Variants in PRR18 observed in about 807,000 individuals in gnomAD.
The protein encoded by PRR18 is proline-rich protein 18.
For missense variants in PRR18, 517 were observed against 437.4 expected, an observed-to-expected ratio of 1.18 and a Z score of -1.62; for synonymous variants, 228 against 220.2, an observed-to-expected ratio of 1.04 and a Z score of -0.32.
In PRR18 at chr6:166,307,690, A is replaced by T. The variant is rs769119126; in HGVS notation, c.453T>A (p.His151Gln). 13 of 1,511,224 alleles carry T rather than the reference A, an allele frequency of 8.6e-6. No individual in the cohort carries two copies. The highest frequency in any genetic ancestry group is 1.3e-5 in the South Asian group (1 of 79,902). 93.6% of individuals were successfully genotyped at this position (1,511,224 alleles called of 1,614,324 possible). The change falls in exon 1 of 1, where the codon CAT becomes CAA. Residue 151 changes from histidine (H) to glutamine (Q), a missense_variant. His to Gln is a conservative substitution (Grantham distance 24). Transcript: ENST00000322583. Reference sequence around the variant, plus strand: ...GCCGCGCCAGCAGCTGCTTCTCCAGATGACGCTTCTGGATGACCAGGACGG... The same window carrying T: ...GCCGCGCCAGCAGCTGCTTCTCCAGTTGACGCTTCTGGATGACCAGGACGG... Reference protein sequence around the residue: ...PEAVLVIQKRHLEKQLLARPR... With the variant: ...PEAVLVIQKRQLEKQLLARPR...
Position 166,307,783 on chromosome 6 carries a change from G to A in PRR18, c.360C>T (p.Gly120=), listed in dbSNP as rs1269107433. The A allele has an allele frequency of 2.0e-6, 3 of 1,469,822 alleles. No homozygotes were observed. The highest frequency in any genetic ancestry group is 2.7e-6 in the Non-Finnish European group (3 of 1,102,778). 91.0% of individuals were successfully genotyped at this position (1,469,822 alleles called of 1,614,324 possible). Residue 120 remains glycine, a synonymous_variant, in exon 1 of 1, where the codon GGC becomes GGT. Transcript: ENST00000322583. The stretch of plus-strand genomic sequence containing the variant: ...GACAAGGCCCCGCCCCCGAGGAGGT[G>A]CCCGCGGCGGTGGTCCCCGTCCCCG... ...TSAGTGTTAA[G]TSSGAGPCPD...
rs1247388090 is a variant in PRR18 at position 166,308,066 on chromosome 6, G to T, written c.77C>A (p.Pro26His). 2.4e-6 allele frequency: 3 copies of T among 1,237,764 alleles called. No homozygotes were observed. Among genetic ancestry groups the T allele is most frequent in the Non-Finnish European group, 3.0e-6 (3 of 985,992 alleles). The allele number at this position is 1,237,764 out of a possible 1,614,324, so 76.7% of individuals were successfully genotyped here. A position where few individuals can be genotyped will look rare whatever the true frequency, so the allele number is the denominator to read the frequency against. The change falls in exon 1 of 1, where the codon CCC (proline) becomes CAC (histidine). Residue 26 changes from proline (P) to histidine (H), a missense_variant. Pro to His is a moderately conservative substitution (Grantham distance 77). Transcript: ENST00000322583. ...CTTCTTCTTGTCCCCCGCGGCGCAG[G>T]GCCTCCGGGGTAACTGGCGCGCGGC... Reference protein sequence around the residue: ...AQAARQLPRRPCAAGDKKKRP... With the variant: ...AQAARQLPRRHCAAGDKKKRP...
At position 166,307,122 on chromosome 6, in the gene PRR18, G is replaced by T. The variant is rs900907049; in HGVS notation, c.*133C>A. The stretch of plus-strand genomic sequence containing the variant: ...CTGCGCCCCACGTGGGCCAGCTTGC[G>T]CACTGGTGTCCCGAAAGTGGGCGCT... On this transcript the variant is annotated 3_prime_UTR_variant, in exon 1 of 1. Transcript: ENST00000322583. The T allele has an allele frequency of 5.1e-6, 5 of 975,118 alleles. No individual in the cohort carries two copies. The highest frequency in any genetic ancestry group is 1.4e-6 in the Non-Finnish European group (1 of 726,044). The allele number at this position is 975,118 out of a possible 1,614,324, so 60.4% of individuals were successfully genotyped here. A position where few individuals can be genotyped will look rare whatever the true frequency, so the allele number is the denominator to read the frequency against.
At position 166,307,584 on chromosome 6, in the gene PRR18, G is replaced by A. The variant is rs1183160665; in HGVS notation, c.559C>T (p.Arg187Trp). The change falls in exon 1 of 1, where the codon CGG becomes TGG. Residue 187 changes from arginine to tryptophan, a missense_variant. By Grantham distance (101) the Arg-to-Trp change is moderately radical. Coordinates refer to ENST00000322583, the MANE Select transcript of PRR18 (RefSeq NM_175922.4). ...GGGTCGCTGGCGGGGCCGCCCCTCC[G>A]CGGGCCCGCGGCCCTAGCCGGGAGA... ...PCLPARAAGP[R>W]RGGPASDPDA... 5.2e-5 allele frequency: 64 copies of A among 1,223,260 alleles called. No individual in the cohort carries two copies. The highest frequency in any genetic ancestry group is 6.4e-5 in the Non-Finnish European group (63 of 981,418). 75.8% of individuals were successfully genotyped at this position (1,223,260 alleles called of 1,614,324 possible).
At position 166,308,192 on chromosome 6, in the gene PRR18, C is replaced by T; in HGVS notation, c.-50G>A. ...CAGCCCCTGGAAAGAGAGGCGGGCG[C>T]TCAGCCACTGTGCGCGGAGCGGGTC... On this transcript the variant is annotated 5_prime_UTR_variant, in exon 1 of 1. Coordinates refer to ENST00000322583, the MANE Select transcript of PRR18 (RefSeq NM_175922.4). The T allele has an allele frequency of 1.6e-6, 2 of 1,227,224 alleles. No individual in the cohort carries two copies. Among genetic ancestry groups the T allele is most frequent in the Non-Finnish European group, 2.0e-6 (2 of 983,548 alleles). 76.0% of individuals were successfully genotyped at this position (1,227,224 alleles called of 1,614,324 possible). A position where few individuals can be genotyped will look rare whatever the true frequency, so the allele number is the denominator to read the frequency against.
chr6:166,307,888 C>A lies in PRR18; in HGVS notation c.255G>T (p.Arg85=). 8.1e-7 allele frequency: 1 copy of A among 1,236,404 alleles called. No homozygotes were observed. Among genetic ancestry groups the A allele is most frequent in the Non-Finnish European group, 1.0e-6 (1 of 990,564 alleles). The allele number at this position is 1,236,404 out of a possible 1,614,324, so 76.6% of individuals were successfully genotyped here. Residue 85 remains arginine (R), a synonymous_variant, in exon 1 of 1, where the codon CGG becomes CGT. Coordinates refer to ENST00000322583, the MANE Select transcript of PRR18 (RefSeq NM_175922.4). Reference sequence around the variant, plus strand: ...GGGGCGGGGCGCACGTGGCTGGGGCCCGCGCGCGGCTGGGCAAGGCCTGGG... The same window carrying A: ...GGGGCGGGGCGCACGTGGCTGGGGCACGCGCGCGGCTGGGCAAGGCCTGGG... ...VSPQALPSRA[R]APATCAPPRP...
chr6:166,307,723 G>A lies in PRR18; in HGVS notation c.420C>T (p.Thr140=). The A allele has an allele frequency of 1.3e-6, 2 of 1,521,952 alleles. No individual in the cohort carries two copies. Among genetic ancestry groups the A allele is most frequent in the Non-Finnish European group, 1.8e-6 (2 of 1,131,954 alleles). 94.3% of individuals were successfully genotyped at this position (1,521,952 alleles called of 1,614,324 possible). ...DSAARFCLNL[T]PEAVLVIQKR... is the part of the protein sequence containing the mutation. ...TCTGGATGACCAGGACGGCCTCGGG[G>A]GTGAGATTCAGGCAGAAGCGCGCAG... is the stretch of plus-strand genomic sequence containing the variant. Residue 140 remains threonine (T), a synonymous_variant, in exon 1 of 1, where the codon ACC becomes ACT. Transcript: ENST00000322583.
In PRR18 at chr6:166,307,559, G is replaced by A. The variant is rs1300297493; in HGVS notation, c.584C>T (p.Pro195Leu). Residue 195 changes from proline to leucine, a missense_variant, in exon 1 of 1, where the codon CCC (proline) becomes CTC (leucine). By Grantham distance (98) the Pro-to-Leu change is moderately conservative. Coordinates refer to ENST00000322583, the MANE Select transcript of PRR18 (RefSeq NM_175922.4). ...CTGGCCGGCGGTGGGGGGTGCGTCG[G>A]GGTCGCTGGCGGGGCCGCCCCTCCG... ...GPRRGGPASDPDAPPTAGQGR... is the reference protein window; with the variant it reads ...GPRRGGPASDLDAPPTAGQGR... 3.3e-6 allele frequency: 4 copies of A among 1,211,722 alleles called. No homozygotes were observed. The African/African-American group carries it at 4.8e-5, about 14-fold the overall frequency. 75.1% of individuals were successfully genotyped at this position (1,211,722 alleles called of 1,614,324 possible).
In PRR18 at chr6:166,306,963, G is replaced by A. The variant is rs953945894; in HGVS notation, c.*292C>T. The A allele has an allele frequency of 1.6e-5, 6 of 369,558 alleles. No homozygotes were observed. Among genetic ancestry groups the A allele is most frequent in the African/African-American group, 1.3e-4 (6 of 47,404 alleles). 22.9% of individuals were successfully genotyped at this position (369,558 alleles called of 1,614,324 possible). On this transcript the variant is annotated 3_prime_UTR_variant, in exon 1 of 1. Coordinates refer to ENST00000322583, the MANE Select transcript of PRR18 (RefSeq NM_175922.4). Reference sequence around the variant, plus strand: ...TTCCCCACGAACTGCATGGATGCTCGGCGATGCCAAGAGGAGGCCAGAGTG... The same window carrying A: ...TTCCCCACGAACTGCATGGATGCTCAGCGATGCCAAGAGGAGGCCAGAGTG...
rs1332254248 is a variant in PRR18 at position 166,305,376 on chromosome 6, A to C, written c.*1879T>G. 6.6e-6 allele frequency: 1 copy of C among 152,250 alleles called. No individual in the cohort carries two copies. Among genetic ancestry groups the C allele is most frequent in the Non-Finnish European group, 1.5e-5 (1 of 68,048 alleles). The allele number at this position is 152,250 out of a possible 1,614,324, so 9.4% of individuals were successfully genotyped here. A position where few individuals can be genotyped will look rare whatever the true frequency, so the allele number is the denominator to read the frequency against. On this transcript the variant is annotated 3_prime_UTR_variant, in exon 1 of 1. Transcript: ENST00000322583. Reference sequence around the variant, plus strand: ...TAGAAAACTTTCTCAAAATGTCCTTAACAGCAATGAAAAGATATCATGTGT... The same window carrying C: ...TAGAAAACTTTCTCAAAATGTCCTTCACAGCAATGAAAAGATATCATGTGT...
At position 166,308,156 on chromosome 6, in the gene PRR18, C is replaced by T; in HGVS notation, c.-14G>A. On this transcript the variant is annotated 5_prime_UTR_variant, in exon 1 of 1. Transcript: ENST00000322583. ...CGGGAAGGGCATAGTGCAGCCGAGCCGCCGGATCCTCAGCCCCTGGAAAGA... is the reference window on the plus strand; with the variant it reads ...CGGGAAGGGCATAGTGCAGCCGAGCTGCCGGATCCTCAGCCCCTGGAAAGA... The T allele has an allele frequency of 8.1e-7, 1 of 1,229,320 alleles. No individual in the cohort carries two copies. Among genetic ancestry groups the T allele is most frequent in the African/African-American group, 1.6e-5 (1 of 64,252 alleles). The allele number at this position is 1,229,320 out of a possible 1,614,324, so 76.2% of individuals were successfully genotyped here. A position where few individuals can be genotyped will look rare whatever the true frequency, so the allele number is the denominator to read the frequency against.
At position 166,308,318 on chromosome 6, in the gene PRR18, C is replaced by G. The variant is rs547032285; in HGVS notation, c.-176G>C. On this transcript the variant is annotated 5_prime_UTR_variant, in exon 1 of 1. Coordinates refer to ENST00000322583, the MANE Select transcript of PRR18 (RefSeq NM_175922.4). The stretch of plus-strand genomic sequence containing the variant: ...CCAAACCCGGGGACTCAAAGAGAGG[C>G]GCTCCCACCCTCCCCTCCTCCTGGG... 1.9e-6 allele frequency: 1 copy of G among 527,674 alleles called. No homozygotes were observed. Among genetic ancestry groups the G allele is most frequent in the East Asian group, 3.6e-5 (1 of 27,742 alleles). The allele number at this position is 527,674 out of a possible 1,614,324, so 32.7% of individuals were successfully genotyped here. A position where few individuals can be genotyped will look rare whatever the true frequency, so the allele number is the denominator to read the frequency against.
rs544250371 is a variant in PRR18 at position 166,308,319 on chromosome 6, G to A, written c.-177C>T. The A allele has an allele frequency of 5.7e-6, 3 of 527,534 alleles. No homozygotes were observed. Among genetic ancestry groups the A allele is most frequent in the Admixed American group, 4.5e-5 (1 of 22,352 alleles). The allele number at this position is 527,534 out of a possible 1,614,324, so 32.7% of individuals were successfully genotyped here. On this transcript the variant is annotated 5_prime_UTR_variant, in exon 1 of 1. Transcript: ENST00000322583. ...CAAACCCGGGGACTCAAAGAGAGGC[G>A]CTCCCACCCTCCCCTCCTCCTGGGG...
In PRR18 at chr6:166,308,283, A is replaced by G. The variant is rs1583027008; in HGVS notation, c.-141T>C. On this transcript the variant is annotated 5_prime_UTR_variant, in exon 1 of 1. An upstream start codon of the reference 5' UTR is lost. Transcript: ENST00000322583. ...GCCGCGGCCTCTCCGGCTTCCTCAC[A>G]TCCCAGCGACCAAACCCGGGGACTC... The G allele has an allele frequency of 4.9e-6, 4 of 819,022 alleles. No individual in the cohort carries two copies. The African/African-American group carries it at 7.1e-5, about 15-fold the overall frequency. The allele number at this position is 819,022 out of a possible 1,614,324, so 50.7% of individuals were successfully genotyped here. A position where few individuals can be genotyped will look rare whatever the true frequency, so the allele number is the denominator to read the frequency against.
chr6:166,307,393 C>G lies in PRR18; in HGVS notation c.750G>C (p.Glu250Asp). ...LNERHRYDDVEYEEEPEAVDE... is the reference protein window; with the variant it reads ...LNERHRYDDVDYEEEPEAVDE... ...CCACCGCCTCTGGCTCCTCCTCGTA[C>G]TCCACGTCGTCGTACCTGTGCCGCT... The change falls in exon 1 of 1, where the codon GAG becomes GAC. Residue 250 changes from glutamate (E) to aspartate (D), a missense_variant. Coordinates refer to ENST00000322583, the MANE Select transcript of PRR18 (RefSeq NM_175922.4). 6.3e-7 allele frequency: 1 copy of G among 1,577,820 alleles called. No homozygotes were observed. Among genetic ancestry groups the G allele is most frequent in the East Asian group, 2.4e-5 (1 of 41,692 alleles).
In PRR18 at chr6:166,307,338, A is replaced by C. The variant is rs1325977550; in HGVS notation, c.805T>G (p.Trp269Gly). Reference protein sequence around the residue: ...DEGLVRKCTEWLRGVESAAAA... With the variant: ...DEGLVRKCTEGLRGVESAAAA... Reference sequence around the variant, plus strand: ...GCCGCGGACTCCACGCCGCGCAGCCACTCCGTGCACTTGCGTACCAGGCCC... The same window carrying C: ...GCCGCGGACTCCACGCCGCGCAGCCCCTCCGTGCACTTGCGTACCAGGCCC... The change falls in exon 1 of 1, where the codon TGG becomes GGG. Residue 269 changes from tryptophan to glycine, a missense_variant. By Grantham distance (184) the Trp-to-Gly change is radical. Transcript: ENST00000322583. 1 of 1,571,372 alleles carries C rather than the reference A, an allele frequency of 6.4e-7. No individual in the cohort carries two copies. Among genetic ancestry groups the C allele is most frequent in the East Asian group, 2.4e-5 (1 of 41,776 alleles).
rs10946152 is a variant in PRR18, at chr6:166,307,069, G to C, written c.*186C>G. On this transcript the variant is annotated 3_prime_UTR_variant, in exon 1 of 1. Coordinates refer to ENST00000322583, the MANE Select transcript of PRR18 (RefSeq NM_175922.4). ...GGCTGCCGGCTGGCGAGGGCAGGAG[G>C]GGGGCCGTGGCCGTCGGGCGAGTCT... 1.8e-6 allele frequency: 1 copy of C among 549,862 alleles called. No homozygotes were observed. The allele number at this position is 549,862 out of a possible 1,614,324, so 34.1% of individuals were successfully genotyped here.
At position 166,307,287 on chromosome 6, in the gene PRR18, G is replaced by C; in HGVS notation, c.856C>G (p.Leu286Val). Residue 286 changes from leucine to valine, a missense_variant, in exon 1 of 1, where the codon CTG (leucine) becomes GTG (valine). Physicochemically the swap from Leu to Val is conservative, Grantham distance 32. Coordinates refer to ENST00000322583, the MANE Select transcript of PRR18 (RefSeq NM_175922.4). ...AAAARGRAGA[L>V]DSRRHLSTL ...GTGCTCAGGTGCCGCCGTGAGTCCA[G>C]GGCCCCCGCCCGGCCCCGCGCGGCA... 1 of 1,522,672 alleles carries C rather than the reference G, an allele frequency of 6.6e-7. No individual in the cohort carries two copies. Among genetic ancestry groups the C allele is most frequent in the East Asian group, 2.6e-5 (1 of 38,202 alleles). 94.3% of individuals were successfully genotyped at this position (1,522,672 alleles called of 1,614,324 possible).
At position 166,306,988 on chromosome 6, in the gene PRR18, G is replaced by C. The variant is rs1050448636; in HGVS notation, c.*267C>G. Reference sequence around the variant, plus strand: ...GGCGATGCCAAGAGGAGGCCAGAGTGGGGGCAGAGGCAGGCATCTGGGGTA... The same window carrying C: ...GGCGATGCCAAGAGGAGGCCAGAGTCGGGGCAGAGGCAGGCATCTGGGGTA... On this transcript the variant is annotated 3_prime_UTR_variant, in exon 1 of 1. Coordinates refer to ENST00000322583, the MANE Select transcript of PRR18 (RefSeq NM_175922.4). 2.1e-5 allele frequency: 8 copies of C among 387,214 alleles called. No individual in the cohort carries two copies. Among genetic ancestry groups the C allele is most frequent in the Non-Finnish European group, 3.1e-5 (7 of 225,114 alleles). 24.0% of individuals were successfully genotyped at this position (387,214 alleles called of 1,614,324 possible). A position where few individuals can be genotyped will look rare whatever the true frequency, so the allele number is the denominator to read the frequency against.
Sources: allele counts gnomAD v4.1 joint callset, GRCh38; gene constraint gnomAD v4.1.1; transcripts MANE v1.5; gene names NCBI Gene and HGNC (gene_info 2026-07-23, HGNC 2026-07-21).